TBC1D22A: variants seen among roughly 807,000 people sequenced by gnomAD.
TBC1D22A encodes putative GTPase activator.
Under a neutral mutation model 60.2 loss-of-function variants are expected in TBC1D22A, and 38 were observed. The ratio of observed to expected loss-of-function variants is 0.63; its 90% CI spans 0.49 to 0.83. TBC1D22A has a LOEUF of 0.83. Ranked by LOEUF, TBC1D22A falls within the 40% of genes least tolerant of loss-of-function variation. The pLI is 0.00. For missense variants in TBC1D22A, 628 were observed against 701.0 expected, an observed-to-expected ratio of 0.90 and a Z score of 1.18; for synonymous variants, 302 against 281.7, an observed-to-expected ratio of 1.07 and a Z score of -0.72.
intron 5 of TBC1D22A, 25 bp from the exon 6 acceptor site, chr22:46,891,241 T>C (rs764975786): frequency 1.9e-6 from 3 of 1,593,364 alleles, no homozygotes. Context: ...TAACCATGTA[T>C]ATTTTTTGTT....
At chr22:46,836,649 T>C (rs1425706285) in intron 4 of TBC1D22A, among the ~76,000 whole-genome samples, 1 of 151,932 alleles carries the variant, frequency 6.6e-6, no homozygotes, top group Non-Finnish European at 1.5e-5. Flanking sequence ...ACTTTAAGTG[T>C]AAATGGATTA....
At chr22:46,918,604 A>G (rs1285170358) in intron 8 of TBC1D22A, among the ~76,000 whole-genome samples, 1 of 152,212 alleles carries the variant, frequency 6.6e-6, no homozygotes, top group African/African-American at 2.4e-5. Context: ...TTCAGGAAGG[A>G]GGGAGTGGTC....
At chr22:47,159,721 A>G (rs1371663907) in intron 12 of TBC1D22A, among the ~76,000 whole-genome samples, 1 of 151,616 alleles carries the variant, frequency 6.6e-6, no homozygotes, top group Admixed American at 6.6e-5. Flanking sequence ...CGCACACTAC[A>G]CAAACACTGC....
chr22:47,087,833 T>G (rs965339519), intron 11 of TBC1D22A, among the ~76,000 whole-genome samples: 12 of 152,132 alleles, frequency 7.9e-5, no homozygotes, highest in African/African-American at 2.9e-4. Context: ...CCCAGCACTT[T>G]AGAAGGCTGA....
intron 10 of TBC1D22A, among the ~76,000 whole-genome samples, chr22:47,024,194 C>T (rs560661808): frequency 6.6e-5 from 10 of 152,052 alleles, no homozygotes; most frequent in East Asian, 1.9e-4. Flanking sequence ...TTACAGTCAC[C>T]GCTAACATAA....
At chr22:46,905,061 A>G (rs1300714318) in intron 7 of TBC1D22A, among the ~76,000 whole-genome samples, 1 of 152,262 alleles carries the variant, frequency 6.6e-6, no homozygotes, top group African/African-American at 2.4e-5. Context: ...GGCGTGAGCC[A>G]CCGCGCCCGG....
At chr22:47,118,091 C>A (rs903406511) in intron 12 of TBC1D22A, among the ~76,000 whole-genome samples, 10 of 152,084 alleles carry the variant, frequency 6.6e-5, no homozygotes, top group African/African-American at 9.7e-5. Flanking sequence ...CCACTGCACT[C>A]CAGCCGGGGC....
chr22:46,972,993 T>C (rs893948817), intron 8 of TBC1D22A, among the ~76,000 whole-genome samples: 9 of 152,194 alleles, frequency 5.9e-5, no homozygotes, highest in South Asian at 2.1e-4. Context: ...TCACTCCTGC[T>C]GGAGGGTCAG....
In TBC1D22A at chr22:46,974,636, G is replaced by A. The variant is rs374271377; in HGVS notation, c.1125+237G>A. Among the ~76,000 whole-genome samples the A allele has an allele frequency of 6.6e-5, 10 of 152,344 alleles. 1 individual carries two copies. Among genetic ancestry groups the A allele is most frequent in the South Asian group, 6.2e-4 (3 of 4,830 alleles). On this transcript the variant is annotated intron_variant, in intron 9 of 12. Coordinates refer to ENST00000337137, the MANE Select transcript of TBC1D22A (RefSeq NM_014346.5). ...CCTGCTGAGGGCCCAGTGGGAAGGCGAGGTGCAGAGTCTGATCCCCTGCTG... is the reference window on the plus strand; with the variant it reads ...CCTGCTGAGGGCCCAGTGGGAAGGCAAGGTGCAGAGTCTGATCCCCTGCTG...
intron 12 of TBC1D22A, among the ~76,000 whole-genome samples, chr22:47,172,212 G>C (rs1456655482): frequency 2.0e-5 from 3 of 152,108 alleles, no homozygotes; most frequent in Non-Finnish European, 4.4e-5. Context: ...TGCCCGCTCA[G>C]TGAGCCTGGT....
intron 3 of TBC1D22A, 72 bp from the exon 4 acceptor site, chr22:46,797,372 T>C: frequency 6.4e-7 from 1 of 1,557,550 alleles, no homozygotes; most frequent in South Asian, 1.1e-5. Flanking sequence ...AAAGGGACAG[T>C]GGCACAGCAA....
intron 7 of TBC1D22A, among the ~76,000 whole-genome samples, chr22:46,904,833 G>A (rs987508046): frequency 3.4e-4 from 50 of 147,754 alleles, no homozygotes; most frequent in African/African-American, 1.2e-3. Flanking sequence ...GGAGTGCGGT[G>A]GCGCAATCTC....
At chr22:46,863,163 G>A (rs1388806266) in intron 4 of TBC1D22A, among the ~76,000 whole-genome samples, 2 of 152,132 alleles carry the variant, frequency 1.3e-5, no homozygotes, top group Admixed American at 6.5e-5. Context: ...GGCAACATGC[G>A]CCCCGTCCTC....
intron 4 of TBC1D22A, among the ~76,000 whole-genome samples, chr22:46,860,623 C>G (rs1053341735): frequency 2.0e-5 from 3 of 150,108 alleles, no homozygotes; most frequent in African/African-American, 4.9e-5. Flanking sequence ...TAGAGGTCCG[C>G]GCAGTGCTGT....
rs182873983 is a variant in TBC1D22A at position 46,777,558 on chromosome 22, G to C, written c.62+14710G>C. ...AGAGCATGATTTTTCATAAGAGAAG[G>C]AAGGAGGACTGAGGACTCGGCTTTG... On this transcript the variant is annotated intron_variant, in intron 1 of 12. Transcript: ENST00000337137. This position sits in a 1 kb window ranked among gnomAD's most constrained non-coding sequence, Gnocchi z 4.5. Among the ~76,000 whole-genome samples, 335 of 152,252 alleles carry C rather than the reference G, an allele frequency of 2.2e-3. 2 individuals are homozygous for C. The highest frequency in any genetic ancestry group is 7.7e-3 in the African/African-American group (320 of 41,532).
intron 9 of TBC1D22A, among the ~76,000 whole-genome samples, chr22:46,989,863 T>C (rs574288665): frequency 6.6e-6 from 1 of 152,216 alleles, no homozygotes; most frequent in East Asian, 1.9e-4. Context: ...AGTGCAGTGA[T>C]GCGATCTCAG....
At chr22:46,872,432 G>A (rs867865248) in intron 4 of TBC1D22A, among the ~76,000 whole-genome samples, 1 of 152,156 alleles carries the variant, frequency 6.6e-6, no homozygotes, top group Non-Finnish European at 1.5e-5. Flanking sequence ...TTAGCAAATT[G>A]ACTTTTGCCT....
intron 11 of TBC1D22A, among the ~76,000 whole-genome samples, chr22:47,058,622 G>A (rs1433202825): frequency 6.6e-6 from 1 of 151,892 alleles, no homozygotes; most frequent in Non-Finnish European, 1.5e-5. Context: ...ACATTATCAT[G>A]TACCTGTGAT....
In TBC1D22A at chr22:46,975,226, C is replaced by T. The variant is rs754013443; in HGVS notation, c.1125+827C>T. On this transcript the variant is annotated intron_variant, in intron 9 of 12. Transcript: ENST00000337137. Reference sequence around the variant, plus strand: ...TGTGCTCCACACCCGGGCATAGTGGCGAGTAAGGGTGAGGCCTGCTCCGGA... The same window carrying T: ...TGTGCTCCACACCCGGGCATAGTGGTGAGTAAGGGTGAGGCCTGCTCCGGA... Among the ~76,000 whole-genome samples the T allele has an allele frequency of 8.4e-4, 128 of 152,088 alleles. 1 individual carries two copies. Among genetic ancestry groups the T allele is most frequent in the Admixed American group, 1.4e-3 (22 of 15,288 alleles).
Sources: allele counts gnomAD v4.1 joint callset (sites outside exome capture counted in the v4.1 genomes callset), GRCh38; gene constraint gnomAD v4.1.1; non-coding constraint Gnocchi (gnomAD v3.1); transcripts MANE v1.5; gene names NCBI Gene and HGNC (gene_info 2026-07-23, HGNC 2026-07-21).